DNAJC22: variants seen among roughly 807,000 people sequenced by gnomAD.
DNAJC22 encodes DnaJ heat shock protein family (Hsp40) member C22, also known as dnaJ homolog subfamily C member 22.
Under a neutral mutation model 22.2 loss-of-function variants are expected in DNAJC22, and 24 were observed. The ratio of observed to expected loss-of-function variants is 1.08; its 90% CI spans 0.78 to 1.52. The LOEUF (loss-of-function observed/expected upper bound fraction) is 1.52, where lower values mean the gene tolerates loss of function less well. Among genes scored for constraint, DNAJC22 ranks in the 40% most tolerant of loss-of-function variants. The pLI is 0.00. For synonymous variants in DNAJC22, 160 were observed against 167.4 expected, an observed-to-expected ratio of 0.96 and a Z score of 0.34; for missense variants, 434 against 421.7, an observed-to-expected ratio of 1.03 and a Z score of -0.26.
At chr12:49,350,494 C>CTTTTTTTT (rs57468642) in intron 3 of DNAJC22, among the ~76,000 whole-genome samples, 11 of 108,482 alleles carry the variant, frequency 1.0e-4, no homozygotes, top group Non-Finnish European at 1.5e-4. Flanking sequence ...CCTCTTGATT[C>CTTTTTTTT]TTTTTTTTTT....
Position 49,348,870 on chromosome 12 carries a change from A to C in DNAJC22, c.-3A>C. 1 of 1,490,236 alleles carries C rather than the reference A, an allele frequency of 6.7e-7. No individual in the cohort carries two copies. Among genetic ancestry groups the C allele is most frequent in the Non-Finnish European group, 8.9e-7 (1 of 1,121,014 alleles). The allele number at this position is 1,490,236 out of a possible 1,614,324, so 92.3% of individuals were successfully genotyped here. A position where few individuals can be genotyped will look rare whatever the true frequency, so the allele number is the denominator to read the frequency against. On this transcript the variant is annotated 5_prime_UTR_variant, in exon 3 of 4. Transcript: ENST00000549441. ...ACTTGTTCTGAGACCTTTGCCCTAG[A>C]GGATGGCCAAGGGGCTCCTGGTGAC... is the stretch of plus-strand genomic sequence containing the variant.
At position 49,349,728 on chromosome 12, in the gene DNAJC22, C is replaced by T; in HGVS notation, c.840+16C>T. ...GGCTTACCAGGTAAGGCTTTCTTCC[C>T]TCAGTCCTGTCCGGTGGCTCTGGTG... On this transcript the variant is annotated intron_variant, in intron 3 of 3. Coordinates refer to ENST00000549441, the MANE Select transcript of DNAJC22 (RefSeq NM_001304944.2). The T allele has an allele frequency of 6.2e-7, 1 of 1,613,994 alleles. No individual in the cohort carries two copies.
At position 49,349,453 on chromosome 12, in the gene DNAJC22, G is replaced by A. The variant is rs1213456512; in HGVS notation, c.581G>A (p.Gly194Asp). 3 of 1,614,064 alleles carry A rather than the reference G, an allele frequency of 1.9e-6. No individual in the cohort carries two copies. The highest frequency in any genetic ancestry group is 2.5e-6 in the Non-Finnish European group (3 of 1,180,014). The change falls in exon 3 of 4, where the codon GGC becomes GAC. Residue 194 changes from glycine (G) to aspartate (D), a missense_variant. Physicochemically the swap from Gly to Asp is moderately conservative, Grantham distance 94. Transcript: ENST00000549441. ...RLGLAYLAFT[G>D]PLAYSALCNT... ...GGCTTGGCTTACCTTGCTTTCACAG[G>A]CCCACTGGCATACAGTGCCCTCTGC...
At chr12:49,350,922 G>T (rs897939911) in intron 3 of DNAJC22, among the ~76,000 whole-genome samples, 2 of 152,082 alleles carry the variant, frequency 1.3e-5, no homozygotes, top group Non-Finnish European at 2.9e-5. Flanking sequence ...GGTTGTTTAT[G>T]GTTTGGGGCT....
chr12:49,349,840 G>A lies in DNAJC22; in HGVS notation c.840+128G>A. 4 of 1,515,090 alleles carry A rather than the reference G, an allele frequency of 2.6e-6. No individual in the cohort carries two copies. The East Asian group carries it at 6.8e-5, about 26-fold the overall frequency. The allele number at this position is 1,515,090 out of a possible 1,614,324, so 93.9% of individuals were successfully genotyped here. On this transcript the variant is annotated intron_variant, in intron 3 of 3. Coordinates refer to ENST00000549441, the MANE Select transcript of DNAJC22 (RefSeq NM_001304944.2). ...TTCTTTGGATATCTGTGTACAATGG[G>A]CAAAGGTTACAGATGCTGTGAGTAG... is the stretch of plus-strand genomic sequence containing the variant.
chr12:49,350,619 C>T (rs918547038), intron 3 of DNAJC22, among the ~76,000 whole-genome samples: 2 of 151,684 alleles, frequency 1.3e-5, no homozygotes, highest in Non-Finnish European at 2.9e-5. Flanking sequence ...CTGCCTCAGC[C>T]TCCCGAGTAG....
rs1943723046 is a variant in DNAJC22, at chr12:49,348,106, G to GT, written c.-108+2dup. 1 of 152,318 alleles carries GT rather than the reference G, an allele frequency of 6.6e-6. No individual in the cohort carries two copies. The highest frequency in any genetic ancestry group is 1.5e-5 in the Non-Finnish European group (1 of 68,096). The allele number at this position is 152,318 out of a possible 1,614,324, so 9.4% of individuals were successfully genotyped here. A position where few individuals can be genotyped will look rare whatever the true frequency, so the allele number is the denominator to read the frequency against. ...CTCGGTCTGGGAGCGGGGCACCCAG[G>GT]TATGGCCACTTGATTTGGAAGTAGC... On this transcript the variant is annotated splice_donor_variant, in intron 2 of 3. Coordinates refer to ENST00000549441, the MANE Select transcript of DNAJC22 (RefSeq NM_001304944.2). LOFTEE classifies it low-confidence loss of function (5UTR_SPLICE).
intron 3 of DNAJC22, among the ~76,000 whole-genome samples, chr12:49,350,241 T>C (rs1411310963): frequency 6.6e-6 from 1 of 151,286 alleles, no homozygotes; most frequent in Non-Finnish European, 1.5e-5. Context: ...CACGCCCGGC[T>C]AATTTTTGTA....
Position 49,349,491 on chromosome 12 carries a change from A to G in DNAJC22, c.619A>G (p.Thr207Ala). The change falls in exon 3 of 4, where the codon ACC becomes GCC. Residue 207 changes from threonine (T) to alanine (A), a missense_variant. Transcript: ENST00000549441. ...CAGTGCCCTCTGCAACACAGCTGCC[A>G]CCCTCAGCTATGTGGCAGAAACCTT... ...AYSALCNTAATLSYVAETFGS... is the reference protein window; with the variant it reads ...AYSALCNTAAALSYVAETFGS... 1 of 1,614,148 alleles carries G rather than the reference A, an allele frequency of 6.2e-7. No homozygotes were observed. Among genetic ancestry groups the G allele is most frequent in the Non-Finnish European group, 8.5e-7 (1 of 1,180,028 alleles).
Position 49,348,981 on chromosome 12 carries a change from A to G in DNAJC22, c.109A>G (p.Thr37Ala). 1 of 1,553,986 alleles carries G rather than the reference A, an allele frequency of 6.4e-7. No homozygotes were observed. The highest frequency in any genetic ancestry group is 2.0e-5 in the Admixed American group (1 of 51,136). ...CAGCCACGCCCTGCTCTGGATGCTG[A>G]CCCTGGGGGGAGGTGGGCTGGGCTG... The part of the protein sequence containing the change: ...RDSHALLWML[T>A]LGGGGLGWLW... Residue 37 changes from threonine (T) to alanine (A), a missense_variant, in exon 3 of 4, where the codon ACC becomes GCC. Transcript: ENST00000549441.
chr12:49,352,197 G>A lies in DNAJC22; in HGVS notation c.*695G>A, dbSNP rs1943793431. On this transcript the variant is annotated 3_prime_UTR_variant, in exon 4 of 4. Coordinates refer to ENST00000549441, the MANE Select transcript of DNAJC22 (RefSeq NM_001304944.2). ...GATATATTGATGTGTGATGGAGAAA[G>A]ATTATTTAACTATTTTTTTAAATGT... 1 of 152,190 alleles carries A rather than the reference G, an allele frequency of 6.6e-6. No individual in the cohort carries two copies. Among genetic ancestry groups the A allele is most frequent in the Non-Finnish European group, 1.5e-5 (1 of 68,028 alleles). 9.4% of individuals were successfully genotyped at this position (152,190 alleles called of 1,614,324 possible). A position where few individuals can be genotyped will look rare whatever the true frequency, so the allele number is the denominator to read the frequency against.
rs568631925 is a variant in DNAJC22 at position 49,347,987 on chromosome 12, A to T, written c.-226A>T. Reference sequence around the variant, plus strand: ...GGGGAAGCCGGACTTCCGTGACACAACAGACACAAAAGACAAAGTCCATTT... The same window carrying T: ...GGGGAAGCCGGACTTCCGTGACACATCAGACACAAAAGACAAAGTCCATTT... On this transcript the variant is annotated 5_prime_UTR_variant, in exon 2 of 4. Coordinates refer to ENST00000549441, the MANE Select transcript of DNAJC22 (RefSeq NM_001304944.2). 14 of 152,564 alleles carry T rather than the reference A, an allele frequency of 9.2e-5. No homozygotes were observed. Among genetic ancestry groups the T allele is most frequent in the African/African-American group, 3.4e-4 (14 of 41,596 alleles). The allele number at this position is 152,564 out of a possible 1,614,324, so 9.5% of individuals were successfully genotyped here. A position where few individuals can be genotyped will look rare whatever the true frequency, so the allele number is the denominator to read the frequency against.
At chr12:49,351,074 G>A in intron 3 of DNAJC22, 1 of 862,582 alleles carries the variant, frequency 1.2e-6, no homozygotes, top group Non-Finnish European at 1.4e-6. Context: ...AATGGCTCTT[G>A]CCATGAGATC....
Position 49,349,019 on chromosome 12 carries a change from C to T in DNAJC22, c.147C>T (p.Phe49=). The change falls in exon 3 of 4, where the codon TTC becomes TTT. Residue 49 remains phenylalanine, a synonymous_variant. Transcript: ENST00000549441. ...GGGGLGWLWE[F]WKLPSFVAQA... is the part of the protein sequence containing the mutation. ...GTGGGCTGGGCTGGCTCTGGGAGTT[C>T]TGGAAGCTCCCAAGCTTTGTAGCTC... is the stretch of plus-strand genomic sequence containing the variant. 6.3e-7 allele frequency: 1 copy of T among 1,589,636 alleles called. No homozygotes were observed. Among genetic ancestry groups the T allele is most frequent in the South Asian group, 1.2e-5 (1 of 86,814 alleles).
At chr12:49,348,698 A>G (rs1189315858) in intron 2 of DNAJC22, 68 bp from the exon 3 acceptor site, 1 of 849,910 alleles carries the variant, frequency 1.2e-6, no homozygotes, top group Non-Finnish European at 1.6e-6. Context: ...CTTTTATTGG[A>G]AAGAGAAATG....
Position 49,353,086 on chromosome 12 carries a change from G to A in DNAJC22, c.*1584G>A, listed in dbSNP as rs1943801270. 6.6e-6 allele frequency: 1 copy of A among 152,176 alleles called. No homozygotes were observed. Among genetic ancestry groups the A allele is most frequent in the Non-Finnish European group, 1.5e-5 (1 of 68,040 alleles). 9.4% of individuals were successfully genotyped at this position (152,176 alleles called of 1,614,324 possible). ...CTCAGAAAGATTCATTATTTTATAT[G>A]TCATATGTCCCTTTGGGGACTTTGG... On this transcript the variant is annotated 3_prime_UTR_variant, in exon 4 of 4. Coordinates refer to ENST00000549441, the MANE Select transcript of DNAJC22 (RefSeq NM_001304944.2).
Position 49,348,783 on chromosome 12 carries a change from G to T in DNAJC22, c.-90G>T. On this transcript the variant is annotated 5_prime_UTR_variant, in exon 3 of 4. Transcript: ENST00000549441. ...TCTCTTAGGGTCTAAGGATAACTCT[G>T]GGGCCATGACAGCCATGAGTCTCAC... The T allele has an allele frequency of 7.0e-7, 1 of 1,423,806 alleles. No homozygotes were observed. Among genetic ancestry groups the T allele is most frequent in the Admixed American group, 2.6e-5 (1 of 38,096 alleles). The allele number at this position is 1,423,806 out of a possible 1,614,324, so 88.2% of individuals were successfully genotyped here.
intron 3 of DNAJC22, among the ~76,000 whole-genome samples, chr12:49,350,600 G>A (rs1334570182): frequency 6.7e-6 from 1 of 148,418 alleles, no homozygotes; most frequent in Non-Finnish European, 1.5e-5. Context: ...CCAGGTTCAA[G>A]TGATTCTCCT....
At chr12:49,351,056 T>C in intron 3 of DNAJC22, 5 of 702,072 alleles carry the variant, frequency 7.1e-6, no homozygotes, top group Non-Finnish European at 8.8e-6. Flanking sequence ...AAATGGGCAG[T>C]TGTGGTTAAT....
Sources: allele counts gnomAD v4.1 joint callset (sites outside exome capture counted in the v4.1 genomes callset), GRCh38; gene constraint gnomAD v4.1.1; transcripts MANE v1.5; gene names NCBI Gene and HGNC (gene_info 2026-07-23, HGNC 2026-07-21).